The following SLC23A1 variants were observed in gnomAD, a reference collection of about 807,000 sequenced individuals.
SLC23A1 encodes solute carrier family 23 member 1.
A neutral mutation model predicts 62.5 loss-of-function variants in SLC23A1; 31 were observed. That is an observed-to-expected ratio of 0.50 (90% CI 0.37 to 0.67). SLC23A1 has a LOEUF of 0.67. SLC23A1 is among the 30% of genes least tolerant of loss of function. SLC23A1 has a pLI of 0.00. For synonymous variants in SLC23A1, 271 were observed against 313.2 expected (o/e 0.87, Z 1.42); for missense variants, 640 against 782.7 (o/e 0.82, Z 2.18).
At chr5:139,380,660 C>T (rs768537224) in intron 4 of SLC23A1, 28 bp from the exon 5 acceptor site, 31 of 1,569,624 alleles carry the variant, frequency 2.0e-5, no homozygotes, top group African/African-American at 1.6e-4. Context: ...GATACACACA[C>T]GGACCAGGTA....
intron 14 of SLC23A1, among the ~76,000 whole-genome samples, chr5:139,370,675 G>A (rs187960047): frequency 6.3e-4 from 95 of 151,560 alleles, no homozygotes; most frequent in African/African-American, 2.2e-3. Context: ...TATTTTTTTA[G>A]TAGAGATGCG....
Position 139,381,173 on chromosome 5 carries a change from G to A in SLC23A1, c.309-287C>T, listed in dbSNP as rs930839319. ...CCCGGAAGTGGACACCTCAGTTCCC[G>A]CATCCAGGTTTCTCTCACAATCTTC... On this transcript the variant is annotated intron_variant, in intron 3 of 14. Coordinates refer to ENST00000348729, the MANE Select transcript of SLC23A1 (RefSeq NM_005847.5). Among the ~76,000 whole-genome samples the A allele has an allele frequency of 5.3e-5, 8 of 152,202 alleles. No individual in the cohort carries two copies. In the South Asian group the frequency reaches 6.2e-4, roughly 12 times the overall value.
At chr5:139,383,168 G>GGCCCCCC in intron 1 of SLC23A1, 50 bp downstream of exon 1, 1 of 242,714 alleles carries the variant, frequency 4.1e-6, no homozygotes, top group Non-Finnish European at 6.8e-6. Flanking sequence ...AGGCCCTCCA[G>GGCCCCCC]CCCCCCACCC....
intron 14 of SLC23A1, among the ~76,000 whole-genome samples, chr5:139,370,875 G>C (rs1487436919): frequency 6.6e-6 from 1 of 152,032 alleles, no homozygotes; most frequent in Non-Finnish European, 1.5e-5. Context: ...TGGATCATTT[G>C]AGGTTAGGAG....
In SLC23A1 at chr5:139,379,593, G is replaced by T; in HGVS notation, c.925+85C>A. 7.5e-7 allele frequency: 1 copy of T among 1,331,596 alleles called. No homozygotes were observed. The highest frequency in any genetic ancestry group is 1.2e-5 in the South Asian group (1 of 80,934). 82.5% of individuals were successfully genotyped at this position (1,331,596 alleles called of 1,614,324 possible). On this transcript the variant is annotated intron_variant, in intron 8 of 14. Coordinates refer to ENST00000348729, the MANE Select transcript of SLC23A1 (RefSeq NM_005847.5). This position sits in a 1 kb window ranked among gnomAD's most constrained non-coding sequence, Gnocchi z 4.7. The stretch of plus-strand genomic sequence containing the variant: ...TAAATGTGCGGCTAATGCTAGGTGT[G>T]TCACCTGCTGGATTGGGGTCACCAG...
At chr5:139,382,151 C>T (rs1001833857) in intron 2 of SLC23A1, 102 bp from the exon 3 acceptor site, 14 of 1,222,552 alleles carry the variant, frequency 1.1e-5, no homozygotes, top group Middle Eastern at 2.5e-4. Context: ...GGCCTGGAAC[C>T]GGCTGCCTGC....
In SLC23A1 at chr5:139,378,650, C is replaced by T; in HGVS notation, c.1108G>A (p.Ala370Thr). 1.9e-6 allele frequency: 3 copies of T among 1,612,122 alleles called. No individual in the cohort carries two copies. The South Asian group carries it at 3.3e-5, about 18-fold the overall frequency. Reference sequence around the variant, plus strand: ...CCGTTGCCCGTGCCCAATAGCCCCGCGATGATGCAGCAAATGCCTTCGGTG... The same window carrying T: ...CCGTTGCCCGTGCCCAATAGCCCCGTGATGATGCAGCAAATGCCTTCGGTG... ...IFTEGICCIIAGLLGTGNGST... is the reference protein window; with the variant it reads ...IFTEGICCIITGLLGTGNGST... The change falls in exon 10 of 15, where the codon GCG becomes ACG. Residue 370 changes from alanine (A) to threonine (T), a missense_variant. Ala to Thr is a moderately conservative substitution (Grantham distance 58). Transcript: ENST00000348729. The surrounding 1 kb of genome is among the most constrained non-coding windows in gnomAD (Gnocchi z 4.5).
At chr5:139,381,370 C>A (rs891449906) in intron 3 of SLC23A1, among the ~76,000 whole-genome samples, 11 of 152,142 alleles carry the variant, frequency 7.2e-5, no homozygotes, top group African/African-American at 2.4e-4. Flanking sequence ...GAGGGGAGAG[C>A]CGGCTAGGCT....
chr5:139,384,339 C>G, upstream of SLC23A1: 1 of 1,272,566 alleles, frequency 7.9e-7, no homozygotes, highest in Non-Finnish European at 1.0e-6. Flanking sequence ...CCAGCCCCAG[C>G]ACTCTAGAGC....
chr5:139,368,716 A>G, intron 14 of SLC23A1: 2 of 1,596,606 alleles, frequency 1.3e-6, no homozygotes, highest in Non-Finnish European at 1.7e-6. Flanking sequence ...TTGCTTTTTT[A>G]TGTACTTATT....
chr5:139,378,369 G>A lies in SLC23A1; in HGVS notation c.1180-18C>T. On this transcript the variant is annotated intron_variant, in intron 10 of 14. Coordinates refer to ENST00000348729, the MANE Select transcript of SLC23A1 (RefSeq NM_005847.5). This position sits in a 1 kb window ranked among gnomAD's most constrained non-coding sequence, Gnocchi z 4.5. ...CTGCCCACCTGCCGGGGAGCCAGCG[G>A]GGAAGCTAGACCTGGGGACGAGGCT... 1 of 1,553,606 alleles carries A rather than the reference G, an allele frequency of 6.4e-7. No homozygotes were observed. Among genetic ancestry groups the A allele is most frequent in the South Asian group, 1.2e-5 (1 of 84,444 alleles).
Position 139,381,944 on chromosome 5 carries a change from T to C in SLC23A1, c.256A>G (p.Ile86Val), listed in dbSNP as rs1447440205. Reference sequence around the variant, plus strand: ...GTGGTGATGCCCACGCACGTGAAGATGGTGCCGATGAGCTGACTAACCATG... The same window carrying C: ...GTGGTGATGCCCACGCACGTGAAGACGGTGCCGATGAGCTGACTAACCATG... ...QHMVSQLIGT[I>V]FTCVGITTLI... Residue 86 changes from isoleucine (I) to valine (V), a missense_variant, in exon 3 of 15, where the codon ATC (isoleucine) becomes GTC (valine). Ile to Val is a conservative substitution (Grantham distance 29, BLOSUM62 3). Coordinates refer to ENST00000348729, the MANE Select transcript of SLC23A1 (RefSeq NM_005847.5). 6.3e-7 allele frequency: 1 copy of C among 1,586,172 alleles called. No homozygotes were observed. The highest frequency in any genetic ancestry group is 8.6e-7 in the Non-Finnish European group (1 of 1,167,100).
intron 14 of SLC23A1, among the ~76,000 whole-genome samples, chr5:139,368,236 G>A (rs1451224013): frequency 2.6e-5 from 4 of 152,214 alleles, no homozygotes; most frequent in African/African-American, 4.8e-5. Context: ...TACTCAGGAG[G>A]ATGAGAGACA....
Position 139,378,300 on chromosome 5 carries a change from C to A in SLC23A1, c.1231G>T (p.Gly411Cys). 1 of 1,593,716 alleles carries A rather than the reference C, an allele frequency of 6.3e-7. No individual in the cohort carries two copies. Among genetic ancestry groups the A allele is most frequent in the South Asian group, 1.1e-5 (1 of 88,256 alleles). Reference sequence around the variant, plus strand: ...AGGGCCGTGAACTTGCCGATGGTGCCCAGGACCAGCATGATAGCCGCACCA... The same window carrying A: ...AGGGCCGTGAACTTGCCGATGGTGCACAGGACCAGCATGATAGCCGCACCA... ...QYGAAIMLVL[G>C]TIGKFTALFA... The change falls in exon 11 of 15, where the codon GGC becomes TGC. Residue 411 changes from glycine (G) to cysteine (C), a missense_variant. Physicochemically the swap from Gly to Cys is radical, Grantham distance 159. Transcript: ENST00000348729. This position sits in a 1 kb window ranked among gnomAD's most constrained non-coding sequence, Gnocchi z 4.5.
chr5:139,374,795 A>G (rs1251898355), intron 13 of SLC23A1, among the ~76,000 whole-genome samples: 1 of 152,156 alleles, frequency 6.6e-6, no homozygotes, highest in Non-Finnish European at 1.5e-5. Flanking sequence ...CACCCAAGTC[A>G]CAAAGAAGCC....
chr5:139,382,974 G>A (rs1238139601), intron 1 of SLC23A1, among the ~76,000 whole-genome samples: 1 of 152,180 alleles, frequency 6.6e-6, no homozygotes, highest in Non-Finnish European at 1.5e-5. Context: ...GATCCTTGGG[G>A]TGTCACTGGC....
Position 139,379,842 on chromosome 5 carries a change from A to AG in SLC23A1, c.769-9dup. On this transcript the variant is annotated splice_polypyrimidine_tract_variant and intron_variant, in intron 7 of 14. Transcript: ENST00000348729. The surrounding 1 kb of genome is among the most constrained non-coding windows in gnomAD (Gnocchi z 4.7). ...CATGATGGCCAGCATGATCTGAAGGAGGGGGGTGAGGGGGCACTGAAGGCA... is the reference window on the plus strand; with the variant it reads ...CATGATGGCCAGCATGATCTGAAGGAGGGGGGGTGAGGGGGCACTGAAGGCA... 1.2e-6 allele frequency: 2 copies of AG among 1,613,838 alleles called. No individual in the cohort carries two copies. The highest frequency in any genetic ancestry group is 1.3e-5 in the African/African-American group (1 of 74,914).
Position 139,367,426 on chromosome 5 carries a change from A to G in SLC23A1, c.*225T>C, listed in dbSNP as rs546815077. ...GAGAGTAAAGATTTAGAGACATAGC[A>G]TAACATTGGTACAAGTCTCTAAGAC... On this transcript the variant is annotated 3_prime_UTR_variant, in exon 15 of 15. Transcript: ENST00000348729. 1.3e-5 allele frequency: 2 copies of G among 152,308 alleles called. No homozygotes were observed. The highest frequency in any genetic ancestry group is 2.1e-4 in the South Asian group (1 of 4,826). The allele number at this position is 152,308 out of a possible 1,614,324, so 9.4% of individuals were successfully genotyped here.
rs1375580652 is a variant in SLC23A1 at position 139,380,874 on chromosome 5, G to A, written c.321C>T (p.Phe107=). 2 of 1,275,996 alleles carry A rather than the reference G, an allele frequency of 1.6e-6. No homozygotes were observed. The highest frequency in any genetic ancestry group is 3.5e-5 in the African/African-American group (2 of 57,596). The allele number at this position is 1,275,996 out of a possible 1,614,324, so 79.0% of individuals were successfully genotyped here. A position where few individuals can be genotyped will look rare whatever the true frequency, so the allele number is the denominator to read the frequency against. The change falls in exon 4 of 15, where the codon TTC becomes TTT. Residue 107 remains phenylalanine (F), a synonymous_variant. Transcript: ENST00000348729. Reference sequence around the variant, plus strand: ...CCAGAAATGCAAAGGCACTGGCCTGGAACAGCGGCAGCCTGGAGGAGAGGC... The same window carrying A: ...CCAGAAATGCAAAGGCACTGGCCTGAAACAGCGGCAGCCTGGAGGAGAGGC... ...QTTVGIRLPL[F]QASAFAFLVP...
Sources: gnomAD v4.1 joint callset for allele counts (sites outside exome capture counted in the v4.1 genomes callset) on GRCh38, gnomAD v4.1.1 for gene constraint, Gnocchi (gnomAD v3.1) non-coding constraint, MANE v1.5 for transcripts, NCBI Gene and HGNC (gene_info 2026-07-23, HGNC 2026-07-21) for gene names.